Variants in KIF5C observed in about 807,000 individuals in gnomAD.
The protein encoded by KIF5C is kinesin heavy chain isoform 5C.
KIF5C carries 18 observed loss-of-function variants against 125.2 expected under a neutral mutation model. The ratio of observed to expected loss-of-function variants is 0.14; its 90% CI spans 0.10 to 0.21. The LOEUF (loss-of-function observed/expected upper bound fraction) is 0.21, where lower values mean the gene tolerates loss of function less well. KIF5C is among the 10% of genes least tolerant of loss of function. The pLI is 1.00. For synonymous variants in KIF5C, 405 were observed against 434.0 expected (o/e 0.93, Z 0.83); for missense variants, 780 against 1,183.8 (o/e 0.66, Z 5.01).
In KIF5C at chr2:148,949,892, T is replaced by C. The variant is rs747993141; in HGVS notation, c.768T>C (p.Asn256=). ...GAVLDEAKNI[N]KSLSALGNVI... Reference sequence around the variant, plus strand: ...TTCTTGACGAAGCTAAAAATATCAATAAGTCTTTGTCTGCTCTTGGAAATG... The same window carrying C: ...TTCTTGACGAAGCTAAAAATATCAACAAGTCTTTGTCTGCTCTTGGAAATG... Residue 256 remains asparagine, a synonymous_variant, in exon 9 of 26, where the codon AAT becomes AAC. Transcript: ENST00000435030. 1.5e-5 allele frequency: 24 copies of C among 1,613,870 alleles called. No homozygotes were observed. Among genetic ancestry groups the C allele is most frequent in the Middle Eastern group, 1.7e-4 (1 of 6,060 alleles).
At chr2:148,909,141 G>A (rs1371992740) in intron 1 of KIF5C, among the ~76,000 whole-genome samples, 1 of 152,200 alleles carries the variant, frequency 6.6e-6, no homozygotes, top group Non-Finnish European at 1.5e-5. Context: ...GTGCTACCGG[G>A]CTTTGCAGCA....
intron 1 of KIF5C, among the ~76,000 whole-genome samples, chr2:148,904,260 T>G (rs1040386255): frequency 6.6e-6 from 1 of 152,216 alleles, no homozygotes; most frequent in Admixed American, 6.5e-5. Flanking sequence ...TTGCTGTGTC[T>G]CAGCATCGGG....
intron 15 of KIF5C, among the ~76,000 whole-genome samples, chr2:148,988,850 A>G (rs75101887): frequency 0.018 from 2,785 of 152,360 alleles, 41 homozygotes; most frequent in Non-Finnish European, 0.028. Context: ...AAGGACCTCC[A>G]TGAAGGTAGA....
rs748722536 is a variant in KIF5C at position 148,997,342 on chromosome 2, T to C, written c.2100+2T>C. Reference sequence around the variant, plus strand: ...TTGCAGGATGCTGAAGAAATGAAGGTGTGTGTGGCTGCCCCTTCCATCAAG... The same window carrying C: ...TTGCAGGATGCTGAAGAAATGAAGGCGTGTGTGGCTGCCCCTTCCATCAAG... On this transcript the variant is annotated splice_donor_variant, in intron 18 of 25. Coordinates refer to ENST00000435030, the MANE Select transcript of KIF5C (RefSeq NM_004522.3). LOFTEE classifies it high-confidence loss of function. 6.2e-7 allele frequency: 1 copy of C among 1,613,638 alleles called. No homozygotes were observed. The highest frequency in any genetic ancestry group is 8.5e-7 in the Non-Finnish European group (1 of 1,179,754).
At chr2:148,900,919 A>C (rs1389220651) in intron 1 of KIF5C, among the ~76,000 whole-genome samples, 1 of 152,216 alleles carries the variant, frequency 6.6e-6, no homozygotes, top group African/African-American at 2.4e-5. Flanking sequence ...CATAGAGAAT[A>C]GCTCATGAAC....
At chr2:148,885,135 G>T (rs1681480324) in intron 1 of KIF5C, among the ~76,000 whole-genome samples, 1 of 152,108 alleles carries the variant, frequency 6.6e-6, no homozygotes, top group Non-Finnish European at 1.5e-5. Context: ...ACAGGCGCGT[G>T]CCATCATGCT....
At chr2:148,973,257 G>C in intron 11 of KIF5C, 79 bp from the exon 12 acceptor site, 1 of 1,507,534 alleles carries the variant, frequency 6.6e-7, no homozygotes. Flanking sequence ...CACCAGGACT[G>C]ATTATTTTTG....
At chr2:149,006,968 T>C (rs181701674) in intron 22 of KIF5C, among the ~76,000 whole-genome samples, 3 of 152,292 alleles carry the variant, frequency 2.0e-5, no homozygotes, top group East Asian at 1.9e-4. Flanking sequence ...GATTTCATGA[T>C]AGAAAACTCC....
chr2:148,880,092 A>G (rs933516496), intron 1 of KIF5C, among the ~76,000 whole-genome samples: 5 of 151,878 alleles, frequency 3.3e-5, no homozygotes, highest in Admixed American at 3.3e-4. Context: ...CATTAAAACA[A>G]TTTTTTCAAA....
chr2:148,922,362 C>G, intron 2 of KIF5C, 135 bp downstream of exon 2: 1 of 562,086 alleles, frequency 1.8e-6, no homozygotes, highest in South Asian at 2.5e-5. Flanking sequence ...AATTCTATAG[C>G]CTCGGTTCTA....
At chr2:149,013,407 A>G (rs1682269615) in intron 25 of KIF5C, among the ~76,000 whole-genome samples, 1 of 152,194 alleles carries the variant, frequency 6.6e-6, no homozygotes, top group South Asian at 2.1e-4. Context: ...CTGAAGCCCC[A>G]TGCAATGCTG....
intron 14 of KIF5C, among the ~76,000 whole-genome samples, chr2:148,982,811 A>C (rs75124043): frequency 2.0e-5 from 3 of 152,342 alleles, no homozygotes; most frequent in Non-Finnish European, 4.4e-5. Context: ...TTGCCATGAA[A>C]CCAAAGTATT....
At chr2:148,974,606 C>T (rs959139848) in intron 12 of KIF5C, among the ~76,000 whole-genome samples, 6 of 152,192 alleles carry the variant, frequency 3.9e-5, no homozygotes, top group Admixed American at 1.3e-4. Flanking sequence ...TTAGGCTCCA[C>T]GCATACCGTT....
rs769523237 is a variant in KIF5C at position 148,875,712 on chromosome 2, A to G, written c.95A>G (p.Lys32Arg). ...EILRGDKFIP[K>R]FKGDETVVIG... ...CTCCGCGGGGACAAATTCATCCCCAAATTTAAAGGCGATGAGACCGTGGTG... is the reference window on the plus strand; with the variant it reads ...CTCCGCGGGGACAAATTCATCCCCAGATTTAAAGGCGATGAGACCGTGGTG... Residue 32 changes from lysine to arginine, a missense_variant, in exon 1 of 26, where the codon AAA becomes AGA. This residue lies in a region of KIF5C where 207 missense variants were observed against 441.2 expected (regional missense o/e 0.47). Coordinates refer to ENST00000435030, the MANE Select transcript of KIF5C (RefSeq NM_004522.3). The G allele has an allele frequency of 3.1e-6, 5 of 1,603,574 alleles. No individual in the cohort carries two copies. Among genetic ancestry groups the G allele is most frequent in the East Asian group, 2.2e-5 (1 of 44,486 alleles).
chr2:148,937,817 T>C (rs1479723938), intron 4 of KIF5C, among the ~76,000 whole-genome samples: 1 of 152,238 alleles, frequency 6.6e-6, no homozygotes, highest in Non-Finnish European at 1.5e-5. Context: ...GTGTTAAGTT[T>C]ATCACAGGTT....
chr2:148,896,392 GTATTGGAA>G (rs1240157819), intron 1 of KIF5C, among the ~76,000 whole-genome samples: 7 of 152,206 alleles, frequency 4.6e-5, no homozygotes, highest in Non-Finnish European at 1.0e-4. Context: ...TGAAGCCTGA[GTATTGGAA>G]GATGCTTGGA....
rs552715806 is a variant in KIF5C, at chr2:148,879,700, T to C, written c.126+3957T>C. On this transcript the variant is annotated intron_variant, in intron 1 of 25. Coordinates refer to ENST00000435030, the MANE Select transcript of KIF5C (RefSeq NM_004522.3). ...ATCCATTACTTTGGGTTCTGCCTAT[T>C]GGTTTTGAAGCAACTGTATTAATGG... 5.3e-5 allele frequency: 8 copies of C among 152,360 alleles called. No homozygotes were observed. The South Asian group carries it at 1.7e-3, about 32-fold the overall frequency. The allele number at this position is 152,360 out of a possible 1,614,324, so 9.4% of individuals were successfully genotyped here. A position where few individuals can be genotyped will look rare whatever the true frequency, so the allele number is the denominator to read the frequency against.
intron 3 of KIF5C, among the ~76,000 whole-genome samples, chr2:148,931,940 T>C (rs867314605): frequency 7.2e-5 from 11 of 152,352 alleles, no homozygotes; most frequent in Non-Finnish European, 1.6e-4. Flanking sequence ...TACTTGTGCC[T>C]ACAGTTAGAA....
chr2:148,896,672 C>T (rs926931001), intron 1 of KIF5C, among the ~76,000 whole-genome samples: 8 of 152,090 alleles, frequency 5.3e-5, no homozygotes, highest in Non-Finnish European at 1.2e-4. Flanking sequence ...ACAATAGAAA[C>T]CTAAGAAGTT....
Sources: allele counts gnomAD v4.1 joint callset (sites outside exome capture counted in the v4.1 genomes callset), GRCh38; gene constraint gnomAD v4.1.1; regional missense constraint gnomAD v4.1.1; transcripts MANE v1.5; gene names NCBI Gene and HGNC (gene_info 2026-07-23, HGNC 2026-07-21).